LHFPL6: variants seen among roughly 807,000 people sequenced by gnomAD.
LHFPL6 encodes LHFPL tetraspan subfamily member 6.
LHFPL6 carries 9 observed loss-of-function variants against 20.6 expected under a neutral mutation model. That is an observed-to-expected ratio of 0.44 (90% CI 0.26 to 0.76). LHFPL6 has a LOEUF of 0.76. Ranked by LOEUF, LHFPL6 falls within the 30% of genes least tolerant of loss-of-function variation. The probability of loss-of-function intolerance (pLI) is 0.20; values close to 1 mark genes in which losing one functional copy is unlikely to be tolerated. For missense variants in LHFPL6, 218 were observed against 253.5 expected (o/e 0.86, Z 0.95); for synonymous variants, 105 against 98.7 (o/e 1.06, Z -0.38).
chr13:39,354,833 T>G (rs1566092226), intron 3 of LHFPL6, among the ~76,000 whole-genome samples: 1 of 151,630 alleles, frequency 6.6e-6, no homozygotes, highest in Non-Finnish European at 1.5e-5. Context: ...GTCTGATGAA[T>G]CAACTCATTC....
At chr13:39,547,323 C>A (rs17060227) in intron 2 of LHFPL6, among the ~76,000 whole-genome samples, 2 of 151,990 alleles carry the variant, frequency 1.3e-5, no homozygotes, top group South Asian at 2.1e-4. Context: ...CTATTTCACC[C>A]ACTCATTGCT....
chr13:39,523,454 A>T (rs1417322301), intron 2 of LHFPL6, among the ~76,000 whole-genome samples: 1 of 151,630 alleles, frequency 6.6e-6, no homozygotes, highest in African/African-American at 2.4e-5. Flanking sequence ...CTGTAGTCCC[A>T]GCTACTCGGG....
chr13:39,539,864 A>G (rs564580519), intron 2 of LHFPL6, among the ~76,000 whole-genome samples: 2 of 152,346 alleles, frequency 1.3e-5, no homozygotes, highest in South Asian at 2.1e-4. Context: ...AAGTTTACCT[A>G]TAATAGAAAG....
intron 2 of LHFPL6, among the ~76,000 whole-genome samples, chr13:39,591,972 T>G (rs2138549321): frequency 6.6e-6 from 1 of 152,122 alleles, no homozygotes; most frequent in East Asian, 1.9e-4. Context: ...GGCAGGCGCC[T>G]GTAATCCCAG....
At chr13:39,531,552 G>A (rs1014680342) in intron 2 of LHFPL6, among the ~76,000 whole-genome samples, 1 of 152,004 alleles carries the variant, frequency 6.6e-6, no homozygotes, top group African/African-American at 2.4e-5. Flanking sequence ...GAAATAAAAG[G>A]GTACAGAAGT....
chr13:39,534,745 T>C (rs1300333674), intron 2 of LHFPL6, among the ~76,000 whole-genome samples: 1 of 152,190 alleles, frequency 6.6e-6, no homozygotes, highest in Non-Finnish European at 1.5e-5. Flanking sequence ...ATATACCCTT[T>C]TATGCCTTTA....
chr13:39,488,040 T>C (rs964808623), intron 2 of LHFPL6, among the ~76,000 whole-genome samples: 1 of 152,126 alleles, frequency 6.6e-6, no homozygotes, highest in Non-Finnish European at 1.5e-5. Flanking sequence ...TAACACCCAA[T>C]AAGATGGTAT....
intron 2 of LHFPL6, among the ~76,000 whole-genome samples, chr13:39,573,971 G>GT (rs1219199582): frequency 6.6e-6 from 1 of 152,148 alleles, no homozygotes. Flanking sequence ...GAAAAATGAA[G>GT]TATCTCCCAA....
At chr13:39,520,251 C>A (rs1870064217) in intron 2 of LHFPL6, among the ~76,000 whole-genome samples, 1 of 152,184 alleles carries the variant, frequency 6.6e-6, no homozygotes, top group Admixed American at 6.5e-5. Flanking sequence ...CTGGGAAAAA[C>A]AGAACGGGAC....
intron 3 of LHFPL6, among the ~76,000 whole-genome samples, chr13:39,348,725 C>A (rs1317167084): frequency 6.6e-6 from 1 of 152,112 alleles, no homozygotes; most frequent in African/African-American, 2.4e-5. Flanking sequence ...GAAGCTAAGC[C>A]ACCCCACCCG....
intron 2 of LHFPL6, among the ~76,000 whole-genome samples, chr13:39,506,786 T>C (rs1869501036): frequency 1.3e-5 from 2 of 152,172 alleles, no homozygotes; most frequent in Admixed American, 1.3e-4. Flanking sequence ...GAGGCAGCTA[T>C]GTAATTATAA....
At chr13:39,423,486 C>T (rs553065133) in intron 2 of LHFPL6, among the ~76,000 whole-genome samples, 35 of 151,888 alleles carry the variant, frequency 2.3e-4, no homozygotes, top group South Asian at 8.3e-4. Flanking sequence ...CACAGTGGTA[C>T]ACCCTTGGCT....
At chr13:39,442,237 A>G (rs770700607) in intron 2 of LHFPL6, among the ~76,000 whole-genome samples, 1 of 152,224 alleles carries the variant, frequency 6.6e-6, no homozygotes, top group Non-Finnish European at 1.5e-5. Flanking sequence ...GAATATGTCA[A>G]TAAGTATTCT....
chr13:39,475,898 G>C (rs1398687297), intron 2 of LHFPL6, among the ~76,000 whole-genome samples: 4 of 152,094 alleles, frequency 2.6e-5, no homozygotes, highest in African/African-American at 9.7e-5. Context: ...GTGAAGGGCG[G>C]AGTGTCTCCC....
At chr13:39,515,696 T>C (rs1474394667) in intron 2 of LHFPL6, among the ~76,000 whole-genome samples, 1 of 152,176 alleles carries the variant, frequency 6.6e-6, no homozygotes, top group Non-Finnish European at 1.5e-5. Flanking sequence ...GGCTCGCTGA[T>C]TGCCCTTATA....
intron 3 of LHFPL6, among the ~76,000 whole-genome samples, chr13:39,368,833 T>C (rs1233901513): frequency 6.6e-6 from 1 of 152,142 alleles, no homozygotes; most frequent in Non-Finnish European, 1.5e-5. Flanking sequence ...GATTTCTTAT[T>C]AAAATGGCAA....
chr13:39,457,383 A>G (rs1304725384), intron 2 of LHFPL6, among the ~76,000 whole-genome samples: 3 of 152,210 alleles, frequency 2.0e-5, no homozygotes, highest in Non-Finnish European at 4.4e-5. Context: ...AAGAAGTTCA[A>G]CATCACTAGT....
intron 1 of LHFPL6, among the ~76,000 whole-genome samples, chr13:39,602,316 C>T (rs902044374): frequency 6.6e-6 from 1 of 152,194 alleles, no homozygotes; most frequent in East Asian, 1.9e-4. Flanking sequence ...CTTTCAGGGT[C>T]CATAGCAAAT....
At chr13:39,481,764 G>C (rs1322835331) in intron 2 of LHFPL6, among the ~76,000 whole-genome samples, 1 of 152,274 alleles carries the variant, frequency 6.6e-6, no homozygotes, top group Non-Finnish European at 1.5e-5. Context: ...GTAATGAGTT[G>C]ACATTTTATT....
Sources: gnomAD v4.1 joint callset for allele counts (sites outside exome capture counted in the v4.1 genomes callset) on GRCh38, gnomAD v4.1.1 for gene constraint, MANE v1.5 for transcripts, NCBI Gene and HGNC (gene_info 2026-07-23, HGNC 2026-07-21) for gene names.